The following REEP5 variants were observed in gnomAD, a reference collection of about 807,000 sequenced individuals.
REEP5 encodes the protein receptor expression-enhancing protein 5.
A neutral mutation model predicts 22.4 loss-of-function variants in REEP5; 24 were observed. That is an observed-to-expected ratio of 1.07 (90% CI 0.78 to 1.51). REEP5 has a LOEUF of 1.51. REEP5 is among the 40% of genes most tolerant of loss of function. The pLI is 0.00. For missense variants in REEP5, 252 were observed against 233.0 expected (o/e 1.08, Z -0.53); for synonymous variants, 103 against 88.6 (o/e 1.16, Z -0.92).
At chr5:112,892,830 T>C (rs764149808) in intron 3 of REEP5, 1 of 1,612,672 alleles carries the variant, frequency 6.2e-7, no homozygotes, top group Non-Finnish European at 8.5e-7. Flanking sequence ...ACAAAAGAAA[T>C]GGGGAATCCG....
At chr5:112,885,167 G>T in intron 4 of REEP5, 1 of 171,410 alleles carries the variant, frequency 5.8e-6, no homozygotes, top group Non-Finnish European at 1.3e-5. Context: ...TGCTCATGGT[G>T]CCAGCCCAGA....
chr5:112,916,163 C>G (rs1477147448), intron 2 of REEP5, among the ~76,000 whole-genome samples: 1 of 152,204 alleles, frequency 6.6e-6, no homozygotes, highest in African/African-American at 2.4e-5. Context: ...ATGTGTCCTC[C>G]CTTTGTGTGC....
rs542577398 is a variant in REEP5, at chr5:112,902,955, T to C, written c.213-437A>G. 2.6e-5 allele frequency among the ~76,000 whole-genome samples: 4 copies of C among 152,318 alleles called. No individual in the cohort carries two copies. The South Asian group carries it at 6.2e-4, about 24-fold the overall frequency. ...ATCATGGGTGAATAAGAATTTCCCA[T>C]AAAGCAACATTTGGAACATAGGTTA... On this transcript the variant is annotated intron_variant, in intron 2 of 4. Coordinates refer to ENST00000379638, the MANE Select transcript of REEP5 (RefSeq NM_005669.5).
At chr5:112,888,028 T>C (rs552916417) in intron 3 of REEP5, among the ~76,000 whole-genome samples, 2 of 152,298 alleles carry the variant, frequency 1.3e-5, no homozygotes, top group South Asian at 4.1e-4. Flanking sequence ...TATTTTAGTT[T>C]AAAAGATTCT....
At chr5:112,916,924 C>A (rs1390280659) in intron 2 of REEP5, among the ~76,000 whole-genome samples, 1 of 152,094 alleles carries the variant, frequency 6.6e-6, no homozygotes, top group Admixed American at 6.6e-5. Context: ...AGCACTTAGA[C>A]AGAGATATGT....
At chr5:112,883,241 C>T (rs568614528) in intron 4 of REEP5, among the ~76,000 whole-genome samples, 3 of 152,320 alleles carry the variant, frequency 2.0e-5, no homozygotes, top group Admixed American at 6.5e-5. Flanking sequence ...TCTCTCATCC[C>T]TTTTCTCTCA....
Position 112,921,206 on chromosome 5 carries a change from G to C in REEP5, c.169C>G (p.Leu57Val), listed in dbSNP as rs199875563. ...CCAAATCCTATCAGGTTGCAGAGGA[G>C]AGAGGCTCCATAACCGAACACCAGG... is the stretch of plus-strand genomic sequence containing the variant. ...LYLVFGYGAS[L>V]LCNLIGFGYP... Residue 57 changes from leucine (L) to valine (V), a missense_variant, in exon 2 of 5, where the codon CTC becomes GTC. Coordinates refer to ENST00000379638, the MANE Select transcript of REEP5 (RefSeq NM_005669.5). 1.1e-4 allele frequency: 175 copies of C among 1,614,174 alleles called. No homozygotes were observed. Among genetic ancestry groups the C allele is most frequent in the Admixed American group, 1.7e-4 (10 of 60,026 alleles).
chr5:112,895,354 T>G (rs1768650911), intron 3 of REEP5: 2 of 151,980 alleles, frequency 1.3e-5, no homozygotes, highest in African/African-American at 4.8e-5. Flanking sequence ...CAAATTAATG[T>G]ACTTGAAGAA....
At chr5:112,891,209 A>T in intron 3 of REEP5, among the ~76,000 whole-genome samples, 1 of 152,022 alleles carries the variant, frequency 6.6e-6, no homozygotes, top group East Asian at 1.9e-4. Context: ...AGTAGCTGGG[A>T]TTACAGGCAC....
At chr5:112,896,260 C>G (rs1006766391) in intron 3 of REEP5, 62 of 152,640 alleles carry the variant, frequency 4.1e-4, no homozygotes, top group African/African-American at 1.5e-3. Context: ...TGGCTTACGC[C>G]TGTAATCCTA....
intron 2 of REEP5, among the ~76,000 whole-genome samples, chr5:112,913,274 CAA>C (rs977949330): frequency 6.8e-6 from 1 of 146,512 alleles, no homozygotes; most frequent in African/African-American, 2.5e-5. Flanking sequence ...GCCTGGGCAA[CAA>C]GAGGGAAACT....
At chr5:112,901,085 C>T (rs993537996) in intron 3 of REEP5, among the ~76,000 whole-genome samples, 2 of 151,990 alleles carry the variant, frequency 1.3e-5, no homozygotes, top group Non-Finnish European at 2.9e-5. Flanking sequence ...GCCATCTGCC[C>T]GCCTCGGCCT....
At chr5:112,921,979 C>T in intron 1 of REEP5, 94 bp downstream of exon 1, 1 of 1,441,394 alleles carries the variant, frequency 6.9e-7, no homozygotes, top group Non-Finnish European at 9.2e-7. Context: ...CCGACTCCAC[C>T]TTTCCCGAGT....
intron 4 of REEP5, chr5:112,885,665 C>G (rs1298542929): frequency 3.2e-6 from 1 of 308,234 alleles, no homozygotes; most frequent in East Asian, 9.0e-5. Flanking sequence ...GAGGTCTACT[C>G]AGAAGGACCC....
intron 1 of REEP5, 22 bp from the exon 2 acceptor site, chr5:112,921,278 G>A: frequency 6.2e-7 from 1 of 1,612,286 alleles, no homozygotes; most frequent in Non-Finnish European, 8.5e-7. Context: ...AAGGAGAGAA[G>A]TGGGTCGGGC....
chr5:112,914,262 T>G (rs966695458), intron 2 of REEP5, among the ~76,000 whole-genome samples: 9 of 151,402 alleles, frequency 5.9e-5, no homozygotes, highest in African/African-American at 1.2e-4. Flanking sequence ...GTGTGTGTGT[T>G]TTTTTGAGAC....
intron 3 of REEP5, among the ~76,000 whole-genome samples, chr5:112,901,918 A>C (rs1768857435): frequency 6.7e-6 from 1 of 150,042 alleles, no homozygotes; most frequent in African/African-American, 2.5e-5. Flanking sequence ...AGCCAAGATC[A>C]TGCCACTGCA....
At chr5:112,904,438 G>A (rs894952034) in intron 2 of REEP5, among the ~76,000 whole-genome samples, 1 of 152,186 alleles carries the variant, frequency 6.6e-6, no homozygotes, top group Non-Finnish European at 1.5e-5. Flanking sequence ...TCTGGGCAGA[G>A]GAGATACGTA....
chr5:112,895,255 A>AAAAAAAAAAAAAAAAAAC (rs1768647584), intron 3 of REEP5: 1 of 151,366 alleles, frequency 6.6e-6, no homozygotes, highest in Non-Finnish European at 1.5e-5. Context: ...AAAAAAAAAA[A>AAAAAAAAAAAAAAAAAAC]AAATCAGGAG....
Sources: gnomAD v4.1 joint callset for allele counts (sites outside exome capture counted in the v4.1 genomes callset) on GRCh38, gnomAD v4.1.1 for gene constraint, MANE v1.5 for transcripts, NCBI Gene and HGNC (gene_info 2026-07-23, HGNC 2026-07-21) for gene names.